The following ZNF536 variants were observed in gnomAD, a reference collection of about 807,000 sequenced individuals.
ZNF536 encodes the protein zinc finger protein 536.
Under a neutral mutation model 84.5 loss-of-function variants are expected in ZNF536, and 13 were observed. That is an observed-to-expected ratio of 0.15 (90% CI 0.10 to 0.24). ZNF536 has a LOEUF of 0.24. ZNF536 is among the 10% of genes least tolerant of loss of function. The probability of loss-of-function intolerance (pLI) is 1.00; values close to 1 mark genes in which losing one functional copy is unlikely to be tolerated. For missense variants in ZNF536, 1,536 were observed against 1,747.5 expected, an observed-to-expected ratio of 0.88 and a Z score of 2.16; for synonymous variants, 811 against 742.5, an observed-to-expected ratio of 1.09 and a Z score of -1.50.
At chr19:30,533,297 G>A (rs2044930632) in intron 2 of ZNF536, among the ~76,000 whole-genome samples, 1 of 152,190 alleles carries the variant, frequency 6.6e-6, no homozygotes, top group African/African-American at 2.4e-5. Context: ...GAGGCGGAAA[G>A]ATTGCTTGAG....
chr19:30,573,177 G>A (rs1321052326), intron 1 of ZNF536, among the ~76,000 whole-genome samples: 1 of 152,208 alleles, frequency 6.6e-6, no homozygotes, highest in Non-Finnish European at 1.5e-5. Flanking sequence ...TTTTCCAGAT[G>A]TTGATATTTC....
At chr19:30,577,387 T>C (rs2046777288) in intron 1 of ZNF536, among the ~76,000 whole-genome samples, 1 of 152,216 alleles carries the variant, frequency 6.6e-6, no homozygotes, top group African/African-American at 2.4e-5. Context: ...GGTAATATAC[T>C]GTGCAGAGAA....
At chr19:30,685,735 GA>G (rs775899693) in intron 1 of ZNF536, among the ~76,000 whole-genome samples, 12 of 152,188 alleles carry the variant, frequency 7.9e-5, no homozygotes, top group Non-Finnish European at 1.3e-4. Context: ...CAACCAGGGG[GA>G]TGGGGGCACC....
chr19:30,466,944 G>A (rs1004624041), intron 2 of ZNF536, among the ~76,000 whole-genome samples: 4 of 152,148 alleles, frequency 2.6e-5, no homozygotes, highest in South Asian at 2.1e-4. Context: ...GGTTTTAAGC[G>A]ATTCTCTTGC....
At chr19:30,439,858 G>C (rs1024053541) in intron 1 of ZNF536, among the ~76,000 whole-genome samples, 1 of 152,152 alleles carries the variant, frequency 6.6e-6, no homozygotes, top group Admixed American at 6.5e-5. Context: ...GGTGGTCCAA[G>C]CCTGGGGTGA....
At chr19:30,399,063 T>C (rs1165757321) in intron 1 of ZNF536, among the ~76,000 whole-genome samples, 3 of 152,190 alleles carry the variant, frequency 2.0e-5, no homozygotes, top group African/African-American at 7.2e-5. Flanking sequence ...TTTCTCCACA[T>C]GCTCTCTAAC....
At chr19:30,657,623 G>A (rs1199672476) in intron 1 of ZNF536, among the ~76,000 whole-genome samples, 1 of 152,194 alleles carries the variant, frequency 6.6e-6, no homozygotes, top group Non-Finnish European at 1.5e-5. Context: ...ATCCTTCCTT[G>A]CAGATTTCAT....
chr19:30,617,747 T>G (rs2048355558), intron 1 of ZNF536, among the ~76,000 whole-genome samples: 1 of 152,172 alleles, frequency 6.6e-6, no homozygotes, highest in Non-Finnish European at 1.5e-5. Flanking sequence ...GCAATTTCCC[T>G]TTCATTTCCA....
At chr19:30,230,789 C>G (rs1043117263) in intron 1 of ZNF536, among the ~76,000 whole-genome samples, 1 of 152,176 alleles carries the variant, frequency 6.6e-6, no homozygotes, top group Non-Finnish European at 1.5e-5. Flanking sequence ...ACTCTGAACT[C>G]CATCTTACTT....
chr19:30,538,701 C>T (rs537838925), intron 3 of ZNF536, among the ~76,000 whole-genome samples: 4 of 152,194 alleles, frequency 2.6e-5, no homozygotes, highest in South Asian at 2.1e-4. Context: ...TGGCTCCAGG[C>T]AGGGCAGACG....
chr19:30,536,148 G>T (rs1185703867), intron 3 of ZNF536, among the ~76,000 whole-genome samples: 3 of 152,150 alleles, frequency 2.0e-5, no homozygotes, highest in Non-Finnish European at 2.9e-5. Flanking sequence ...AAGGCCTCAT[G>T]CGACCTGCCC....
At position 30,405,119 on chromosome 19, in the gene ZNF536, G is replaced by A. The variant is rs191961592; in HGVS notation, c.-3+32563G>A. Among the ~76,000 whole-genome samples, 275 of 152,286 alleles carry A rather than the reference G, an allele frequency of 1.8e-3. 1 individual carries two copies. Among genetic ancestry groups the A allele is most frequent in the Non-Finnish European group, 2.7e-3 (187 of 68,026 alleles). On this transcript the variant is annotated intron_variant, in intron 1 of 4. Coordinates refer to ENST00000355537, the MANE Select transcript of ZNF536 (RefSeq NM_014717.3). Reference sequence around the variant, plus strand: ...GAACCTCAAGGCATTCAGCTATCCCGAAGCTCCCAGAACCCAGTCCTCTTG... The same window carrying A: ...GAACCTCAAGGCATTCAGCTATCCCAAAGCTCCCAGAACCCAGTCCTCTTG...
chr19:30,416,485 G>A (rs1012880157), intron 1 of ZNF536, among the ~76,000 whole-genome samples: 1 of 152,084 alleles, frequency 6.6e-6, no homozygotes, highest in Non-Finnish European at 1.5e-5. Flanking sequence ...GGCATGGGAG[G>A]GATGCTCATT....
At chr19:30,534,529 A>G (rs1432815163) in intron 2 of ZNF536, among the ~76,000 whole-genome samples, 1 of 152,180 alleles carries the variant, frequency 6.6e-6, no homozygotes, top group Non-Finnish European at 1.5e-5. Flanking sequence ...ACATTTTTAA[A>G]CTTTTGAAAA....
chr19:30,570,986 C>A (rs146065801), intron 1 of ZNF536, among the ~76,000 whole-genome samples: 1 of 152,268 alleles, frequency 6.6e-6, no homozygotes, highest in African/African-American at 2.4e-5. Flanking sequence ...CAGCTGCCCC[C>A]CAGCTCCTCA....
At chr19:30,568,339 T>C (rs997812822) in intron 1 of ZNF536, among the ~76,000 whole-genome samples, 1 of 152,192 alleles carries the variant, frequency 6.6e-6, no homozygotes, top group East Asian at 1.9e-4. Flanking sequence ...TCACGAGACC[T>C]TGGATACCAT....
intron 1 of ZNF536, among the ~76,000 whole-genome samples, chr19:30,441,208 C>T (rs749197289): frequency 2.6e-5 from 4 of 152,230 alleles, no homozygotes; most frequent in African/African-American, 9.6e-5. Context: ...TCTGAGCTGG[C>T]CAACTGGGCA....
chr19:30,564,604 C>G (rs964824761), intron 1 of ZNF536, among the ~76,000 whole-genome samples: 15 of 152,090 alleles, frequency 9.9e-5, no homozygotes, highest in African/African-American at 3.6e-4. Flanking sequence ...CTTCGAGGGT[C>G]AGGGAGACCC....
intron 2 of ZNF536, among the ~76,000 whole-genome samples, chr19:30,528,022 G>A (rs1217102017): frequency 2.0e-5 from 3 of 152,142 alleles, no homozygotes; most frequent in Non-Finnish European, 4.4e-5. Flanking sequence ...TTTGCACAAA[G>A]CATACTTGCA....
Sources: allele counts gnomAD v4.1 joint callset (sites outside exome capture counted in the v4.1 genomes callset), GRCh38; gene constraint gnomAD v4.1.1; transcripts MANE v1.5; gene names NCBI Gene and HGNC (gene_info 2026-07-23, HGNC 2026-07-21).